Variants in GUCY2F observed in about 807,000 individuals in gnomAD.
GUCY2F encodes guanylate cyclase 2F, retinal.
GUCY2F carries 61 observed loss-of-function variants against 73.1 expected under a neutral mutation model. That is an observed-to-expected ratio of 0.83 (90% confidence interval 0.68 to 1.03). The LOEUF (loss-of-function observed/expected upper bound fraction) is 1.03. Among genes scored for constraint, GUCY2F ranks in the 50% least tolerant of loss-of-function variants. The pLI, the probability that GUCY2F is intolerant of heterozygous loss-of-function variation, is 0.00. For synonymous variants in GUCY2F, 331 were observed against 307.8 expected, an observed-to-expected ratio of 1.08 and a Z score of -0.79; for missense variants, 912 against 854.3, an observed-to-expected ratio of 1.07 and a Z score of -0.84.
chrX:109,394,250 TTC>T (rs1419114411), intron 12 of GUCY2F, among the ~76,000 whole-genome samples: 1 of 112,222 alleles, frequency 8.9e-6, no homozygotes, highest in Non-Finnish European at 1.9e-5. Flanking sequence ...TATCACTGGC[TTC>T]TCTGCTGCCT....
At chrX:109,467,038 A>C (rs1474875012) in intron 2 of GUCY2F, among the ~76,000 whole-genome samples, 2 of 112,356 alleles carry the variant, frequency 1.8e-5, no homozygotes, top group Non-Finnish European at 3.8e-5. Context: ...AAGAGGTTCT[A>C]CATGTATTCT....
chrX:109,385,757 G>C (rs1421223376), intron 15 of GUCY2F, among the ~76,000 whole-genome samples: 1 of 112,174 alleles, frequency 8.9e-6, no homozygotes, highest in Non-Finnish European at 1.9e-5. Flanking sequence ...AAATAGAGCT[G>C]ACTTTCAATT....
In GUCY2F at chrX:109,442,562, C is replaced by G. The variant is rs754346943; in HGVS notation, c.1570-1080G>C. Reference sequence around the variant, plus strand: ...TCTTAACTACTTCCCAACACTCTACCCCTTAATAGTCTTTGATCAACTAAA... The same window carrying G: ...TCTTAACTACTTCCCAACACTCTACGCCTTAATAGTCTTTGATCAACTAAA... On this transcript the variant is annotated intron_variant, in intron 6 of 19. Transcript: ENST00000218006. 6.3e-5 allele frequency among the ~76,000 whole-genome samples: 7 copies of G among 111,597 alleles called. No homozygotes were observed. In the South Asian group the frequency reaches 2.6e-3, roughly 42 times the overall value.
chrX:109,392,748 T>G (rs955115763), intron 13 of GUCY2F, 144 bp downstream of exon 13: 1 of 400,215 alleles, frequency 2.5e-6, no homozygotes, highest in Non-Finnish European at 4.3e-6. Context: ...TTTAAAGGTG[T>G]GACTAAAGCC....
In GUCY2F at chrX:109,405,296, G is replaced by C. The variant is rs752527073; in HGVS notation, c.1969-812C>G. 8.0e-5 allele frequency among the ~76,000 whole-genome samples: 9 copies of C among 111,981 alleles called. No individual in the cohort carries two copies. The East Asian group carries it at 2.0e-3, about 24-fold the overall frequency. On this transcript the variant is annotated intron_variant, in intron 9 of 19. Transcript: ENST00000218006. ...GTTAGCAGTAGTTAACTTTGAGGGG[G>C]AGTATGAAGAAAGAGGGTTGAGTAA... is the stretch of plus-strand genomic sequence containing the variant.
chrX:109,433,925 G>A (rs1418407820), intron 7 of GUCY2F, among the ~76,000 whole-genome samples: 1 of 110,479 alleles, frequency 9.1e-6, no homozygotes, highest in African/African-American at 3.3e-5. Flanking sequence ...GATTCTTTAG[G>A]ACTTACTAGG....
intron 17 of GUCY2F, 32 bp from the exon 18 acceptor site, chrX:109,376,199 CT>C (rs772197256): frequency 3.0e-6 from 3 of 1,004,397 alleles, no homozygotes; most frequent in African/African-American, 3.7e-5. Flanking sequence ...AATCTTAAGC[CT>C]GCTATAATCA....
chrX:109,406,042 G>T (rs1381195569), intron 9 of GUCY2F, among the ~76,000 whole-genome samples: 1 of 111,421 alleles, frequency 9.0e-6, no homozygotes, highest in African/African-American at 3.3e-5. Context: ...AGCAGAAAAA[G>T]GTCAAGACTA....
chrX:109,443,663 T>C (rs1246015786), intron 6 of GUCY2F, among the ~76,000 whole-genome samples: 1 of 111,917 alleles, frequency 8.9e-6, no homozygotes, highest in Non-Finnish European at 1.9e-5. Context: ...CACTGGACTA[T>C]TGCAAAGCCT....
intron 6 of GUCY2F, among the ~76,000 whole-genome samples, chrX:109,442,745 G>A (rs1319537178): frequency 1.8e-5 from 2 of 111,281 alleles, no homozygotes; most frequent in African/African-American, 3.3e-5. Flanking sequence ...ATTCAGACAA[G>A]ATGTAAAACT....
At chrX:109,398,289 A>T (rs1472863219) in intron 11 of GUCY2F, among the ~76,000 whole-genome samples, 1 of 110,238 alleles carries the variant, frequency 9.1e-6, no homozygotes, top group Non-Finnish European at 1.9e-5. Flanking sequence ...AAAAAGAAAA[A>T]CAAAAGGGAC....
chrX:109,379,447 ACATTGTATTAATAAAT>A (rs1930251603), intron 17 of GUCY2F, among the ~76,000 whole-genome samples: 1 of 112,668 alleles, frequency 8.9e-6, no homozygotes, highest in Admixed American at 9.4e-5. Context: ...GAATTATTCC[ACATTGTATTAATAAAT>A]CATAACATCA....
chrX:109,416,008 A>G (rs1334490942), intron 8 of GUCY2F, among the ~76,000 whole-genome samples: 1 of 111,696 alleles, frequency 9.0e-6, no homozygotes, highest in African/African-American at 3.2e-5. Flanking sequence ...GCAGAAATGG[A>G]GGTAGAACTA....
intron 5 of GUCY2F, among the ~76,000 whole-genome samples, chrX:109,449,653 T>C (rs1381741182): frequency 8.9e-6 from 1 of 112,194 alleles, no homozygotes; most frequent in Non-Finnish European, 1.9e-5. Flanking sequence ...AGCAGGATAA[T>C]AGTCCTTGCA....
chrX:109,408,162 A>G (rs1160637345), intron 9 of GUCY2F, among the ~76,000 whole-genome samples: 1 of 112,703 alleles, frequency 8.9e-6, no homozygotes, highest in Non-Finnish European at 1.9e-5. Context: ...CACTTCTTGC[A>G]TCAGCGTGAC....
At chrX:109,416,609 A>G (rs192192336) in intron 8 of GUCY2F, among the ~76,000 whole-genome samples, 3 of 111,235 alleles carry the variant, frequency 2.7e-5, no homozygotes, top group African/African-American at 9.8e-5. Context: ...TTTTAGAAAT[A>G]GTGGTCAAAA....
intron 8 of GUCY2F, among the ~76,000 whole-genome samples, chrX:109,426,089 C>T (rs1365923049): frequency 8.9e-6 from 1 of 112,111 alleles, no homozygotes. Context: ...CTTTCTGCTA[C>T]AATATTTGGC....
Position 109,453,782 on chromosome X carries a change from A to T in GUCY2F, c.1110T>A (p.Asn370Lys). 8.3e-7 allele frequency: 1 copy of T among 1,205,348 alleles called. No individual in the cohort carries two copies. The highest frequency in any genetic ancestry group is 1.1e-6 in the Non-Finnish European group (1 of 890,020). Residue 370 changes from asparagine to lysine, a missense_variant, in exon 4 of 20, where the codon AAT becomes AAA. By Grantham distance (94) the Asn-to-Lys change is moderately conservative. Transcript: ENST00000218006. ...CCAGGCTGGCAGCACCAGCCTGTCC[A>T]TTTTCTTTCATAGCATTATTCATGG... ...AQAMNNAMKE[N>K]GQAGAASLVQ...
At chrX:109,398,795 C>T in intron 10 of GUCY2F, 97 bp from the exon 11 acceptor site, 1 of 768,113 alleles carries the variant, frequency 1.3e-6, no homozygotes, top group Non-Finnish European at 1.9e-6. Context: ...TATTGACTGC[C>T]TTATATTTTT....
Sources: allele counts gnomAD v4.1 joint callset (sites outside exome capture counted in the v4.1 genomes callset), GRCh38; gene constraint gnomAD v4.1.1; transcripts MANE v1.5; gene names NCBI Gene and HGNC (gene_info 2026-07-23, HGNC 2026-07-21).